The following G3BP2 variants were observed in gnomAD, a reference collection of about 807,000 sequenced individuals.
G3BP2 encodes the protein ras GTPase-activating protein-binding protein 2.
A neutral mutation model predicts 56.7 loss-of-function variants in G3BP2; 11 were observed. That is an observed-to-expected ratio of 0.19 (90% CI 0.12 to 0.32). The LOEUF (loss-of-function observed/expected upper bound fraction) is 0.32. Ranked by LOEUF, G3BP2 falls within the 10% of genes least tolerant of loss-of-function variation. The probability of loss-of-function intolerance (pLI) is 1.00; values close to 1 mark genes in which losing one functional copy is unlikely to be tolerated. For synonymous variants in G3BP2, 165 were observed against 191.6 expected (o/e 0.86, Z 1.15); for missense variants, 340 against 610.9 (o/e 0.56, Z 4.67).
At chr4:75,690,445 A>C (rs1038865102) in intron 3 of G3BP2, among the ~76,000 whole-genome samples, 1 of 151,966 alleles carries the variant, frequency 6.6e-6, no homozygotes, top group Non-Finnish European at 1.5e-5. Flanking sequence ...AAAAAAAAAA[A>C]AGAAAAGAAA....
At position 75,680,137 on chromosome 4, in the gene G3BP2, G is replaced by A. The variant is rs80021371; in HGVS notation, c.-24-18088C>T. The stretch of plus-strand genomic sequence containing the variant: ...TCACCAAGCACTGTGACACAGAGAA[G>A]GGGGCCTGATCAGCAGATATTCTAT... On this transcript the variant is annotated intron_variant, in intron 3 of 3. Coordinates refer to the G3BP2 transcript ENST00000499709. Among the ~76,000 whole-genome samples, 1,090 of 152,314 alleles carry A rather than the reference G, an allele frequency of 7.2e-3. 4 individuals carry two copies. The highest frequency in any genetic ancestry group is 0.025 in the African/African-American group (1,029 of 41,574).
At position 75,642,817 on chromosome 4, in the gene G3BP2, T is replaced by C. The variant is rs1730945876; in HGVS notation, c.*2613A>G. On this transcript the variant is annotated 3_prime_UTR_variant, in exon 12 of 12. Coordinates refer to ENST00000359707, the MANE Select transcript of G3BP2 (RefSeq NM_203505.3). Reference sequence around the variant, plus strand: ...AGACATCAGTAGTTTATTGTTTGTTTAGTCCAAACACATTCAATATGGAAA... The same window carrying C: ...AGACATCAGTAGTTTATTGTTTGTTCAGTCCAAACACATTCAATATGGAAA... 2 of 152,608 alleles carry C rather than the reference T, an allele frequency of 1.3e-5. No homozygotes were observed. Among genetic ancestry groups the C allele is most frequent in the Admixed American group, 1.3e-4 (2 of 15,280 alleles). 9.5% of individuals were successfully genotyped at this position (152,608 alleles called of 1,614,324 possible). A position where few individuals can be genotyped will look rare whatever the true frequency, so the allele number is the denominator to read the frequency against.
chr4:75,673,438 CTTA>C (rs1049275543), upstream of G3BP2: 79 of 1,232,116 alleles, frequency 6.4e-5, no homozygotes, highest in Non-Finnish European at 6.3e-5. Context: ...ACCGCCCCCT[CTTA>C]TTGTTTTACC....
intron 3 of G3BP2, among the ~76,000 whole-genome samples, chr4:75,692,228 G>A (rs1011392651): frequency 1.3e-5 from 2 of 152,116 alleles, no homozygotes; most frequent in African/African-American, 2.4e-5. Flanking sequence ...TTGTGCTCTG[G>A]CTTCCTGGAA....
intron 3 of G3BP2, among the ~76,000 whole-genome samples, chr4:75,690,293 G>A (rs1360231352): frequency 6.6e-6 from 1 of 152,140 alleles, no homozygotes; most frequent in Non-Finnish European, 1.5e-5. Flanking sequence ...AGCCGGGTGT[G>A]GTGGTGGGCA....
intron 2 of G3BP2, among the ~76,000 whole-genome samples, chr4:75,721,885 T>C (rs1219727891): frequency 1.3e-5 from 2 of 152,210 alleles, no homozygotes; most frequent in Non-Finnish European, 2.9e-5. Context: ...ATTATATGTA[T>C]TTTAATGATT....
At chr4:75,674,841 G>C (rs1450022258), upstream of G3BP2, among the ~76,000 whole-genome samples, 1 of 150,136 alleles carries the variant, frequency 6.7e-6, no homozygotes, top group Non-Finnish European at 1.5e-5. Context: ...TCCTGCCTCA[G>C]GCTCCCTAGT....
At chr4:75,708,749 T>A (rs1719644062) in intron 3 of G3BP2, among the ~76,000 whole-genome samples, 2 of 151,710 alleles carry the variant, frequency 1.3e-5, no homozygotes, top group Non-Finnish European at 2.9e-5. Flanking sequence ...GGCAGGAGGA[T>A]CGCTTGCACT....
intron 3 of G3BP2, among the ~76,000 whole-genome samples, chr4:75,709,702 T>G (rs1267655657): frequency 6.6e-6 from 1 of 152,060 alleles, no homozygotes. Context: ...TGGGGCGGGT[T>G]TCAGAGATGG....
chr4:75,665,303 TATA>T (rs1732920612), intron 1 of G3BP2, among the ~76,000 whole-genome samples: 1 of 152,248 alleles, frequency 6.6e-6, no homozygotes, highest in Admixed American at 6.5e-5. Context: ...TAAAATTTTT[TATA>T]ATGCCTCACT....
chr4:75,669,324 T>A (rs796565893), intron 1 of G3BP2, among the ~76,000 whole-genome samples: 12 of 152,218 alleles, frequency 7.9e-5, no homozygotes, highest in African/African-American at 2.4e-4. Flanking sequence ...AGTGTCATAA[T>A]CTTCTCAACT....
chr4:75,691,665 A>G (rs1718862581), intron 3 of G3BP2, among the ~76,000 whole-genome samples: 2 of 152,206 alleles, frequency 1.3e-5, no homozygotes, highest in African/African-American at 4.8e-5. Flanking sequence ...TGGGGGATGA[A>G]TACGGTGATT....
At chr4:75,692,822 G>C (rs1468060970) in intron 3 of G3BP2, among the ~76,000 whole-genome samples, 1 of 152,220 alleles carries the variant, frequency 6.6e-6, no homozygotes, top group Non-Finnish European at 1.5e-5. Context: ...AAGCAACATG[G>C]AGGGTCTTGA....
At position 75,648,751 on chromosome 4, in the gene G3BP2, A is replaced by G. The variant is rs1214747293; in HGVS notation, c.826-10T>C. 6.4e-7 allele frequency: 1 copy of G among 1,553,798 alleles called. No homozygotes were observed. Among genetic ancestry groups the G allele is most frequent in the Admixed American group, 1.7e-5 (1 of 58,976 alleles). On this transcript the variant is annotated splice_polypyrimidine_tract_variant and intron_variant, in intron 8 of 11. Coordinates refer to ENST00000359707, the MANE Select transcript of G3BP2 (RefSeq NM_203505.3). ...TAGCTTCGACTCTTGGCTAAAATAT[A>G]AAGAAAAAAAAACATTATAAAAAAC...
At chr4:75,647,784 G>C (rs531424140) in intron 9 of G3BP2, among the ~76,000 whole-genome samples, 1 of 152,290 alleles carries the variant, frequency 6.6e-6, no homozygotes, top group East Asian at 1.9e-4. Flanking sequence ...ACAAATTTAG[G>C]ACTTCTAGTT....
At position 75,680,799 on chromosome 4, in the gene G3BP2, T is replaced by C. The variant is rs995159467; in HGVS notation, c.-24-18750A>G. Reference sequence around the variant, plus strand: ...GGCCAACATGGTGAAACCCCATCTGTACTAAAAATACAAAAATTAGCTGGG... The same window carrying C: ...GGCCAACATGGTGAAACCCCATCTGCACTAAAAATACAAAAATTAGCTGGG... On this transcript the variant is annotated intron_variant, in intron 3 of 3. Coordinates refer to the G3BP2 transcript ENST00000499709. Among the ~76,000 whole-genome samples, 24 of 151,684 alleles carry C rather than the reference T, an allele frequency of 1.6e-4. No homozygotes were observed. The South Asian group carries it at 4.2e-3, about 26-fold the overall frequency.
rs561320162 is a variant in G3BP2, at chr4:75,716,454, C to T, written c.-25+4423G>A. Among the ~76,000 whole-genome samples, 549 of 151,800 alleles carry T rather than the reference C, an allele frequency of 3.6e-3. 4 individuals are homozygous for T. Among genetic ancestry groups the T allele is most frequent in the Non-Finnish European group, 6.1e-3 (412 of 67,906 alleles). On this transcript the variant is annotated intron_variant, in intron 3 of 3. Transcript: ENST00000499709. ...CCTCCCAAAGTGCTGGAATTACAGG[C>T]GTGAGCCACCACACCCGGCCCTCTT...
chr4:75,683,874 A>G (rs1010819886), intron 3 of G3BP2, among the ~76,000 whole-genome samples: 2 of 152,166 alleles, frequency 1.3e-5, no homozygotes, highest in African/African-American at 4.8e-5. Context: ...ATGAAAAGGG[A>G]AAGAGAACCA....
intron 3 of G3BP2, among the ~76,000 whole-genome samples, chr4:75,714,644 G>T (rs1006970631): frequency 3.9e-5 from 6 of 151,992 alleles, no homozygotes; most frequent in Non-Finnish European, 1.5e-5. Context: ...AAAAAGAAAA[G>T]AAATGATAAA....
Sources: gnomAD v4.1 joint callset for allele counts (sites outside exome capture counted in the v4.1 genomes callset) on GRCh38, gnomAD v4.1.1 for gene constraint, MANE v1.5 for transcripts, NCBI Gene and HGNC (gene_info 2026-07-23, HGNC 2026-07-21) for gene names.